Variants in PCGF1 observed in about 807,000 individuals in gnomAD.
PCGF1 encodes the protein polycomb group ring finger 1.
Under a neutral mutation model 38.8 loss-of-function variants are expected in PCGF1, and 10 were observed. That is an observed-to-expected ratio of 0.26 (90% CI 0.16 to 0.44). The LOEUF (loss-of-function observed/expected upper bound fraction) is 0.44, where lower values mean the gene tolerates loss of function less well. PCGF1 is among the 20% of genes least tolerant of loss of function. The pLI is 1.00. For synonymous variants in PCGF1, 119 were observed against 121.3 expected, an observed-to-expected ratio of 0.98 and a Z score of 0.12; for missense variants, 230 against 331.5, an observed-to-expected ratio of 0.69 and a Z score of 2.38.
chr2:74,507,000 G>A, intron 2 of PCGF1, 42 bp downstream of exon 2: 1 of 1,604,528 alleles, frequency 6.2e-7, no homozygotes, highest in South Asian at 1.1e-5. Flanking sequence ...GCTTGGTGAA[G>A]ACTAGGGACT....
At position 74,507,587 on chromosome 2, in the gene PCGF1, G is replaced by T; in HGVS notation, c.82C>A (p.Leu28Ile). 6.3e-7 allele frequency: 1 copy of T among 1,588,286 alleles called. No homozygotes were observed. The highest frequency in any genetic ancestry group is 1.7e-4 in the Middle Eastern group (1 of 5,804). Residue 28 changes from leucine (L) to isoleucine (I), a missense_variant, in exon 1 of 9, where the codon CTA (leucine) becomes ATA (isoleucine). Coordinates refer to ENST00000233630, the MANE Select transcript of PCGF1 (RefSeq NM_032673.3). ...TGCCGCCCTTGCACCTCGTTCCGTAGCGGGTCCATCTTGTACACTGACTGG... is the reference window on the plus strand; with the variant it reads ...TGCCGCCCTTGCACCTCGTTCCGTATCGGGTCCATCTTGTACACTGACTGG... ...QLQSVYKMDP[L>I]RNEEEVRVKI...
chr2:74,507,226 C>G, intron 1 of PCGF1, 79 bp from the exon 2 acceptor site: 1 of 1,523,904 alleles, frequency 6.6e-7, no homozygotes, highest in Non-Finnish European at 8.9e-7. Flanking sequence ...GGGTCGCCTC[C>G]TTCATCACAC....
chr2:74,505,185 G>A lies in PCGF1; in HGVS notation c.738C>T (p.Ser246=). 6.4e-7 allele frequency: 1 copy of A among 1,552,970 alleles called. No individual in the cohort carries two copies. Among genetic ancestry groups the A allele is most frequent in the Non-Finnish European group, 8.7e-7 (1 of 1,149,354 alleles). ...TCACACTGTATTGTAAAAGCAAAGG[G>A]GATGGCTAAGGAGAGAATGAGGAAG... ...IWLSRWFGKP[S]PLLLQYSVKE... Residue 246 remains serine, a synonymous_variant, in exon 9 of 9, where the codon TCC becomes TCT. Transcript: ENST00000233630.
At position 74,505,113 on chromosome 2, in the gene PCGF1, G is replaced by T; in HGVS notation, c.*30C>A. The T allele has an allele frequency of 6.8e-7, 1 of 1,470,018 alleles. No individual in the cohort carries two copies. The highest frequency in any genetic ancestry group is 9.0e-7 in the Non-Finnish European group (1 of 1,108,156). The allele number at this position is 1,470,018 out of a possible 1,614,324, so 91.1% of individuals were successfully genotyped here. A position where few individuals can be genotyped will look rare whatever the true frequency, so the allele number is the denominator to read the frequency against. On this transcript the variant is annotated 3_prime_UTR_variant, in exon 9 of 9. Coordinates refer to ENST00000233630, the MANE Select transcript of PCGF1 (RefSeq NM_032673.3). ...TTCACATAAATATCTGGGGAGGGAAGGGGAGTGGGATGGGGTGGGGGCTTG... is the reference window on the plus strand; with the variant it reads ...TTCACATAAATATCTGGGGAGGGAATGGGAGTGGGATGGGGTGGGGGCTTG...
Position 74,506,234 on chromosome 2 carries a change from C to T in PCGF1, c.371G>A (p.Arg124Gln), listed in dbSNP as rs369972519. The T allele has an allele frequency of 1.2e-5, 19 of 1,613,938 alleles. No homozygotes were observed. The highest frequency in any genetic ancestry group is 5.3e-5 in the African/African-American group (4 of 74,898). Residue 124 changes from arginine (R) to glutamine (Q), a missense_variant, in exon 4 of 9, where the codon CGG (arginine) becomes CAG (glutamine). Physicochemically the swap from Arg to Gln is conservative, Grantham distance 43. This residue lies in a region of PCGF1 where 144 missense variants were observed against 182.4 expected (regional missense o/e 0.79). Transcript: ENST00000233630. ...GLQDSEEKRI[R>Q]EFYQSRGLDR... ...CAAACCTCGGGACTGGTAGAATTCC[C>T]GAATCCGTTTCTCTTCACCTAGAAG...
rs1287964836 is a variant in PCGF1, at chr2:74,507,325, C to A, written c.94-178G>T. 11 of 1,458,344 alleles carry A rather than the reference C, an allele frequency of 7.5e-6. No homozygotes were observed. The South Asian group carries it at 1.4e-4, about 19-fold the overall frequency. The allele number at this position is 1,458,344 out of a possible 1,614,324, so 90.3% of individuals were successfully genotyped here. On this transcript the variant is annotated intron_variant, in intron 1 of 8. Transcript: ENST00000233630. ...CCCCTCCGCCCAGCAGAGGGCTCCG[C>A]GCACAGCGGGGGCTTCCCTCACGTG...
In PCGF1 at chr2:74,507,070, G is replaced by A. The variant is rs1191036686; in HGVS notation, c.171C>T (p.Ala57=). ...TATGAAGACACTCTGTGATGGTGGT[G>A]GCATCCACGAAGTAGCCGGCGCATA... ...CCLCAGYFVD[A]TTITECLHTF... The change falls in exon 2 of 9, where the codon GCC becomes GCT. Residue 57 remains alanine, a synonymous_variant. Coordinates refer to ENST00000233630, the MANE Select transcript of PCGF1 (RefSeq NM_032673.3). 13 of 1,614,156 alleles carry A rather than the reference G, an allele frequency of 8.1e-6. No homozygotes were observed. The highest frequency in any genetic ancestry group is 1.1e-5 in the Non-Finnish European group (13 of 1,179,992).
Position 74,505,419 on chromosome 2 carries a change from C to T in PCGF1, c.652G>A (p.Val218Met). The T allele has an allele frequency of 1.2e-6, 2 of 1,608,904 alleles. No homozygotes were observed. Among genetic ancestry groups the T allele is most frequent in the Non-Finnish European group, 1.7e-6 (2 of 1,176,986 alleles). The part of the protein sequence containing the change: ...CHRLMLNPQH[V>M]QLLFDNEVLP... ...ACTTCATTGTCAAAAAGGAGCTGCA[C>T]CTAGGAGGGAGATGGGGGCATAATT... The change falls in exon 8 of 9, where the codon GTG becomes ATG. Residue 218 changes from valine to methionine, a missense_variant and splice_region_variant. By Grantham distance (21) the Val-to-Met change is conservative. Coordinates refer to ENST00000233630, the MANE Select transcript of PCGF1 (RefSeq NM_032673.3).
intron 4 of PCGF1, 46 bp downstream of exon 4, chr2:74,506,135 A>G (rs1558595318): frequency 1.2e-6 from 2 of 1,612,292 alleles, no homozygotes; most frequent in Non-Finnish European, 1.7e-6. Flanking sequence ...AAACTGGGCA[A>G]GAAGAATGCT....
Position 74,505,625 on chromosome 2 carries a change from C to T in PCGF1, c.578G>A (p.Arg193Gln), listed in dbSNP as rs1269823994. Residue 193 changes from arginine (R) to glutamine (Q), a missense_variant, in exon 7 of 9, where the codon CGA becomes CAA. Arg to Gln is a conservative substitution (Grantham distance 43). This residue lies in a region of PCGF1 where 144 missense variants were observed against 182.4 expected (regional missense o/e 0.79). Coordinates refer to ENST00000233630, the MANE Select transcript of PCGF1 (RefSeq NM_032673.3). ...NKSVLQNKYV[R>Q]CSVRAEVRHL... ...GCGTACCTCAGCTCTAACAGAACAT[C>T]GGACATACTTGTTCTGGGAGCAGGG... The T allele has an allele frequency of 2.5e-6, 4 of 1,613,944 alleles. No homozygotes were observed. Among genetic ancestry groups the T allele is most frequent in the Admixed American group, 1.7e-5 (1 of 60,002 alleles).
rs1340201460 is a variant in PCGF1 at position 74,505,630 on chromosome 2, A to G, written c.573T>C (p.Tyr191=). ...DKNKSVLQNK[Y]VRCSVRAEVR... ...CCTCAGCTCTAACAGAACATCGGAC[A>G]TACTTGTTCTGGGAGCAGGGAGGGG... The change falls in exon 7 of 9, where the codon TAT becomes TAC. Residue 191 remains tyrosine, a synonymous_variant. Coordinates refer to ENST00000233630, the MANE Select transcript of PCGF1 (RefSeq NM_032673.3). 7.4e-6 allele frequency: 12 copies of G among 1,613,982 alleles called. No individual in the cohort carries two copies. The highest frequency in any genetic ancestry group is 8.5e-6 in the Non-Finnish European group (10 of 1,180,008).
chr2:74,506,739 C>A lies in PCGF1; in HGVS notation c.345G>T (p.Leu115Phe). Residue 115 changes from leucine (L) to phenylalanine (F), a missense_variant, in exon 3 of 9, where the codon TTG (leucine) becomes TTT (phenylalanine). This residue lies in a region of PCGF1 where 40 missense variants were observed against 113.2 expected (regional missense o/e 0.35). Transcript: ENST00000233630. ...QDIVYKLVPG[L>F]QDSEEKRIRE... ...GTCAGGTTGGTGACTCACTGTCTTG[C>A]AAGCCAGGCACCAGCTTATACACGA... 1 of 1,613,750 alleles carries A rather than the reference C, an allele frequency of 6.2e-7. No homozygotes were observed. Among genetic ancestry groups the A allele is most frequent in the Non-Finnish European group, 8.5e-7 (1 of 1,179,916 alleles).
chr2:74,506,443 T>C, intron 3 of PCGF1, 191 bp from the exon 4 acceptor site: 1 of 624,804 alleles, frequency 1.6e-6, no homozygotes, highest in Non-Finnish European at 2.8e-6. Context: ...CTGGGCATGG[T>C]GGTGGGCGCC....
At chr2:74,507,414 T>A in intron 1 of PCGF1, 162 bp downstream of exon 1, 10 of 1,460,640 alleles carry the variant, frequency 6.8e-6, no homozygotes, top group Non-Finnish European at 9.0e-6. Flanking sequence ...CGCGCAGGCG[T>A]CCTAACCGGA....
At chr2:74,505,451 A>G in intron 7 of PCGF1, 32 bp from the exon 8 acceptor site, 1 of 1,606,114 alleles carries the variant, frequency 6.2e-7, no homozygotes, top group Non-Finnish European at 8.5e-7. Context: ...AATTTTAGGA[A>G]CTTTCTGGCA....
Position 74,505,573 on chromosome 2 carries a change from G to A in PCGF1, c.630C>T (p.Arg210=). ...VRHLRRVLCH[R]LMLNPQHVQL... is the part of the protein sequence containing the mutation. The stretch of plus-strand genomic sequence containing the variant: ...TCACATGCTGAGGGTTTAGCATCAA[G>A]CGGTGACACAGGACCCTCCGGAGAT... Residue 210 remains arginine, a synonymous_variant, in exon 7 of 9, where the codon CGC becomes CGT. Coordinates refer to ENST00000233630, the MANE Select transcript of PCGF1 (RefSeq NM_032673.3). 1 of 1,614,128 alleles carries A rather than the reference G, an allele frequency of 6.2e-7. No homozygotes were observed. Among genetic ancestry groups the A allele is most frequent in the Non-Finnish European group, 8.5e-7 (1 of 1,180,002 alleles).
At chr2:74,507,231 T>C (rs893507682) in intron 1 of PCGF1, 84 bp from the exon 2 acceptor site, 2 of 1,522,266 alleles carry the variant, frequency 1.3e-6, no homozygotes, top group Non-Finnish European at 1.8e-6. Context: ...GCCTCCTTCA[T>C]CACACTAGAC....
intron 1 of PCGF1, 114 bp from the exon 2 acceptor site, chr2:74,507,261 C>T: frequency 6.8e-7 from 1 of 1,479,658 alleles, no homozygotes; most frequent in South Asian, 1.3e-5. Flanking sequence ...CCGCGCCCTG[C>T]GCCATCAGCC....
At position 74,505,072 on chromosome 2, in the gene PCGF1, T is replaced by G; in HGVS notation, c.*71A>C. ...TTTTAAAAGTTTTTATTTCAAAAAA[T>G]AAAGCTGCAGTTCATTTCACATAAA... On this transcript the variant is annotated 3_prime_UTR_variant, in exon 9 of 9. Coordinates refer to ENST00000233630, the MANE Select transcript of PCGF1 (RefSeq NM_032673.3). 7.1e-7 allele frequency: 1 copy of G among 1,406,690 alleles called. No homozygotes were observed. Among genetic ancestry groups the G allele is most frequent in the Non-Finnish European group, 9.4e-7 (1 of 1,068,406 alleles). The allele number at this position is 1,406,690 out of a possible 1,614,324, so 87.1% of individuals were successfully genotyped here.
Sources: allele counts gnomAD v4.1 joint callset, GRCh38; gene constraint gnomAD v4.1.1; regional missense constraint gnomAD v4.1.1; transcripts MANE v1.5; gene names NCBI Gene and HGNC (gene_info 2026-07-23, HGNC 2026-07-21).